MYT1L: variants seen among roughly 807,000 people sequenced by gnomAD.
The protein encoded by MYT1L is myelin transcription factor 1-like protein.
MYT1L carries 12 observed loss-of-function variants against 126.7 expected under a neutral mutation model. The observed-to-expected ratio is 0.09, with a 90% CI of 0.06 to 0.15. The LOEUF is 0.15. MYT1L is among the 10% of genes least tolerant of loss of function. MYT1L has a pLI of 1.00. For missense variants in MYT1L, 979 were observed against 1,585.2 expected, an observed-to-expected ratio of 0.62 and a Z score of 6.49; for synonymous variants, 541 against 604.2, an observed-to-expected ratio of 0.90 and a Z score of 1.53.
chr2:2,109,259 A>G (rs2079095762), intron 3 of MYT1L, among the ~76,000 whole-genome samples: 1 of 152,174 alleles, frequency 6.6e-6, no homozygotes, highest in Non-Finnish European at 1.5e-5. Flanking sequence ...CAGAAGAAAA[A>G]CACGGCAGTG....
chr2:1,973,691 C>G (rs2059966360), intron 8 of MYT1L, among the ~76,000 whole-genome samples: 1 of 152,214 alleles, frequency 6.6e-6, no homozygotes, highest in Non-Finnish European at 1.5e-5. Flanking sequence ...TGGTTTCTTT[C>G]AATGTATCCC....
At chr2:2,232,883 T>C (rs774953880) in intron 2 of MYT1L, among the ~76,000 whole-genome samples, 2 of 152,188 alleles carry the variant, frequency 1.3e-5, no homozygotes, top group Non-Finnish European at 2.9e-5. Context: ...TCTCTCTGAT[T>C]GTACTGCCTC....
At chr2:2,081,890 A>T (rs1175028627) in intron 3 of MYT1L, among the ~76,000 whole-genome samples, 1 of 152,058 alleles carries the variant, frequency 6.6e-6, no homozygotes, top group Admixed American at 6.6e-5. Context: ...CAGGTGCGCG[A>T]TGCCATGCTT....
intron 1 of MYT1L, among the ~76,000 whole-genome samples, chr2:2,291,000 C>T (rs2095591233): frequency 6.6e-6 from 1 of 152,026 alleles, no homozygotes; most frequent in Non-Finnish European, 1.5e-5. Flanking sequence ...CAACACCAGC[C>T]CACTCACCTT....
intron 8 of MYT1L, among the ~76,000 whole-genome samples, chr2:1,951,544 A>G (rs2057753372): frequency 6.6e-6 from 1 of 152,240 alleles, no homozygotes; most frequent in African/African-American, 2.4e-5. Context: ...TGAGTGGTCC[A>G]TGAACAGCAA....
intron 3 of MYT1L, among the ~76,000 whole-genome samples, chr2:2,078,611 G>C (rs1286858462): frequency 6.6e-6 from 1 of 152,178 alleles, no homozygotes; most frequent in African/African-American, 2.4e-5. Flanking sequence ...TTTATGATGA[G>C]AAGAGGTTCA....
intron 3 of MYT1L, among the ~76,000 whole-genome samples, chr2:2,125,433 G>GT (rs1485605205): frequency 6.6e-6 from 1 of 152,076 alleles, no homozygotes; most frequent in African/African-American, 2.4e-5. Context: ...TTTGACTCCC[G>GT]TATGTATCCT....
At chr2:1,954,407 A>G (rs559365687) in intron 8 of MYT1L, among the ~76,000 whole-genome samples, 2 of 152,314 alleles carry the variant, frequency 1.3e-5, no homozygotes, top group African/African-American at 4.8e-5. Context: ...ACGTGCAGTC[A>G]GTCCATCCCA....
At chr2:1,960,699 T>C (rs1387619855) in intron 8 of MYT1L, among the ~76,000 whole-genome samples, 1 of 151,486 alleles carries the variant, frequency 6.6e-6, no homozygotes, top group Non-Finnish European at 1.5e-5. Context: ...CCACAATGCA[T>C]CACCTCCCTG....
intron 1 of MYT1L, among the ~76,000 whole-genome samples, chr2:2,293,114 T>A (rs1573252151): frequency 6.6e-6 from 1 of 152,134 alleles, no homozygotes; most frequent in African/African-American, 2.4e-5. Context: ...AGCCAGAGGG[T>A]CCCAGCTTAG....
intron 19 of MYT1L, chr2:1,842,630 T>G (rs1174042750): frequency 6.6e-6 from 1 of 152,352 alleles, no homozygotes; most frequent in African/African-American, 2.4e-5. Context: ...CGCCCCACCC[T>G]CTGGCTCCTG....
At chr2:2,180,017 A>G (rs547134465) in intron 2 of MYT1L, among the ~76,000 whole-genome samples, 1 of 152,090 alleles carries the variant, frequency 6.6e-6, no homozygotes, top group South Asian at 2.1e-4. Flanking sequence ...ACCTTCACAC[A>G]CTGTTTCACA....
intron 1 of MYT1L, among the ~76,000 whole-genome samples, chr2:2,308,462 A>G (rs1372569164): frequency 6.7e-6 from 1 of 149,676 alleles, no homozygotes; most frequent in Non-Finnish European, 1.5e-5. Context: ...CCTATGCTTT[A>G]GTTGATATAC....
At chr2:2,070,730 T>C (rs750355325) in intron 3 of MYT1L, among the ~76,000 whole-genome samples, 1 of 152,176 alleles carries the variant, frequency 6.6e-6, no homozygotes, top group Non-Finnish European at 1.5e-5. Flanking sequence ...AAGTAAAAAA[T>C]CATTGATGTA....
At chr2:2,199,886 G>T (rs76683593) in intron 2 of MYT1L, among the ~76,000 whole-genome samples, 7,639 of 152,210 alleles carry the variant, frequency 0.05, 258 homozygotes, top group South Asian at 0.13. Context: ...CACCTCTGGG[G>T]AGGAACTTCT....
At chr2:2,187,932 G>A (rs1024976188) in intron 2 of MYT1L, among the ~76,000 whole-genome samples, 2 of 151,990 alleles carry the variant, frequency 1.3e-5, no homozygotes, top group African/African-American at 2.4e-5. Context: ...TAATAAACAT[G>A]TATGCATTTA....
intron 4 of MYT1L, among the ~76,000 whole-genome samples, chr2:2,043,510 C>G (rs2067798839): frequency 6.6e-6 from 1 of 152,184 alleles, no homozygotes; most frequent in Non-Finnish European, 1.5e-5. Flanking sequence ...GGTGCTTTCT[C>G]CCCTGGGACA....
chr2:2,121,897 A>G (rs1372996526), intron 3 of MYT1L, among the ~76,000 whole-genome samples: 4 of 152,094 alleles, frequency 2.6e-5, no homozygotes, highest in Non-Finnish European at 4.4e-5. Flanking sequence ...TGCTCTATCA[A>G]TGATTGTTTC....
chr2:1,944,673 G>A (rs1211407220), intron 8 of MYT1L, among the ~76,000 whole-genome samples: 1 of 152,114 alleles, frequency 6.6e-6, no homozygotes, highest in East Asian at 1.9e-4. Flanking sequence ...TTGGGTCATG[G>A]GCTATGCTGG....
Sources: allele counts gnomAD v4.1 joint callset (sites outside exome capture counted in the v4.1 genomes callset), GRCh38; gene constraint gnomAD v4.1.1; transcripts MANE v1.5; gene names NCBI Gene and HGNC (gene_info 2026-07-23, HGNC 2026-07-21).